Variants in PTPRU observed in about 807,000 individuals in gnomAD.
The protein encoded by PTPRU is receptor-type tyrosine-protein phosphatase U.
PTPRU carries 69 observed loss-of-function variants against 166.3 expected under a neutral mutation model. That is an observed-to-expected ratio of 0.41 (90% confidence interval 0.34 to 0.51). The LOEUF (loss-of-function observed/expected upper bound fraction) is 0.51, where lower values mean the gene tolerates loss of function less well. Ranked by LOEUF, PTPRU falls within the 20% of genes least tolerant of loss-of-function variation. The pLI, the probability that PTPRU is intolerant of heterozygous loss-of-function variation, is 0.09. For missense variants in PTPRU, 1,657 were observed against 2,013.7 expected (o/e 0.82, Z 3.39); for synonymous variants, 793 against 814.0 (o/e 0.97, Z 0.44).
intron 7 of PTPRU, among the ~76,000 whole-genome samples, chr1:29,266,617 C>A (rs550909094): frequency 1.3e-5 from 2 of 152,260 alleles, no homozygotes; most frequent in African/African-American, 4.8e-5. Context: ...GAGCTTCAGT[C>A]CCCCTGTTTT....
At chr1:29,250,122 A>G (rs1300646117) in intron 1 of PTPRU, among the ~76,000 whole-genome samples, 1 of 152,132 alleles carries the variant, frequency 6.6e-6, no homozygotes, top group Non-Finnish European at 1.5e-5. Flanking sequence ...CTCTTCCAGG[A>G]GGCCTTTCCC....
At chr1:29,310,262 A>T (rs1687586271) in intron 18 of PTPRU, among the ~76,000 whole-genome samples, 1 of 152,090 alleles carries the variant, frequency 6.6e-6, no homozygotes, top group Non-Finnish European at 1.5e-5. Flanking sequence ...TGAGTGACTG[A>T]GGAGTAAGGG....
chr1:29,308,090 C>G (rs1687479908), intron 18 of PTPRU, among the ~76,000 whole-genome samples: 1 of 151,826 alleles, frequency 6.6e-6, no homozygotes, highest in Admixed American at 6.6e-5. Flanking sequence ...AAAAAACTAC[C>G]CTAATTCATC....
chr1:29,289,646 G>A (rs1686528864), intron 14 of PTPRU: 3 of 1,613,666 alleles, frequency 1.9e-6, no homozygotes, highest in Non-Finnish European at 2.5e-6. Flanking sequence ...ACGGACCTCG[G>A]ACACAACTGT....
At chr1:29,299,045 GC>G in intron 15 of PTPRU, among the ~76,000 whole-genome samples, 1 of 152,316 alleles carries the variant, frequency 6.6e-6, no homozygotes. Flanking sequence ...ATAACTGGGG[GC>G]CTCTCCTCAT....
chr1:29,307,959 C>T (rs184810927), intron 18 of PTPRU, among the ~76,000 whole-genome samples: 4 of 152,014 alleles, frequency 2.6e-5, no homozygotes. Context: ...TGGGGTTTCA[C>T]CATGTTAGGC....
intron 1 of PTPRU, among the ~76,000 whole-genome samples, chr1:29,241,742 A>C (rs1396530698): frequency 4.7e-4 from 63 of 134,982 alleles, no homozygotes; most frequent in Middle Eastern, 4.8e-3. Flanking sequence ...TTACAGGCGC[A>C]CGCCACCATG....
At chr1:29,252,333 T>C (rs1684587951) in intron 1 of PTPRU, among the ~76,000 whole-genome samples, 1 of 149,270 alleles carries the variant, frequency 6.7e-6, no homozygotes, top group Admixed American at 6.7e-5. Flanking sequence ...AGGGGTACCA[T>C]CTCAGCTCAC....
chr1:29,246,701 C>T (rs1031530858), intron 1 of PTPRU, among the ~76,000 whole-genome samples: 2 of 152,056 alleles, frequency 1.3e-5, no homozygotes, highest in Non-Finnish European at 2.9e-5. Context: ...CTGCCACCTC[C>T]GCCCCCTGGG....
At position 29,237,660 on chromosome 1, in the gene PTPRU, G is replaced by C. The variant is rs976627734; in HGVS notation, c.73+943G>C. ...GTCGGGCAGGGCCCGAGGCTCAGGG[G>C]AGGACCGGGCCCCGCGGCCGCCGCC... On this transcript the variant is annotated intron_variant, in intron 1 of 29. Coordinates refer to ENST00000373779, the MANE Select transcript of PTPRU (RefSeq NM_133178.4). The surrounding 1 kb of genome is among the most constrained non-coding windows in gnomAD (Gnocchi z 6.4). Among the ~76,000 whole-genome samples, 1 of 151,426 alleles carries C rather than the reference G, an allele frequency of 6.6e-6. No individual in the cohort carries two copies. The highest frequency in any genetic ancestry group is 6.6e-5 in the Admixed American group (1 of 15,222).
intron 1 of PTPRU, among the ~76,000 whole-genome samples, chr1:29,242,433 G>A (rs1205183732): frequency 6.6e-6 from 1 of 152,180 alleles, no homozygotes; most frequent in East Asian, 1.9e-4. Context: ...GGTCAGCCTA[G>A]AGCTGTGTTA....
chr1:29,256,621 G>A (rs192498354), intron 2 of PTPRU, among the ~76,000 whole-genome samples: 226 of 152,310 alleles, frequency 1.5e-3, no homozygotes, highest in Non-Finnish European at 2.6e-3. Context: ...TGCTCACACT[G>A]TGCCCTTCCT....
rs780621948 is a variant in PTPRU at position 29,325,705 on chromosome 1, C to G, written c.*44C>G. On this transcript the variant is annotated 3_prime_UTR_variant, in exon 30 of 30. Coordinates refer to ENST00000373779, the MANE Select transcript of PTPRU (RefSeq NM_133178.4). ...CACCCACTGCACACTCAGGGCCAGA[C>G]CCACCATCCTGGACTGGCGAGGAAG... 5 of 1,515,602 alleles carry G rather than the reference C, an allele frequency of 3.3e-6. No homozygotes were observed. The allele number at this position is 1,515,602 out of a possible 1,614,324, so 93.9% of individuals were successfully genotyped here.
intron 7 of PTPRU, among the ~76,000 whole-genome samples, chr1:29,267,366 G>A (rs1685350706): frequency 6.6e-6 from 1 of 152,226 alleles, no homozygotes; most frequent in Admixed American, 6.5e-5. Flanking sequence ...CATATACCGA[G>A]GGAGGACTTT....
At position 29,317,886 on chromosome 1, in the gene PTPRU, G is replaced by C. The variant is rs766495555; in HGVS notation, c.3652G>C (p.Asp1218His). Residue 1218 changes from aspartate (D) to histidine (H), a missense_variant, in exon 25 of 30, where the codon GAC (aspartate) becomes CAC (histidine). This residue lies in a region of PTPRU where 1,190 missense variants were observed against 1,477.4 expected (regional missense o/e 0.81). Transcript: ENST00000373779. This position sits in a 1 kb window ranked among gnomAD's most constrained non-coding sequence, Gnocchi z 5.6. Reference protein sequence around the residue: ...CLPFLISTDGDSNNYINAALT... With the variant: ...CLPFLISTDGHSNNYINAALT... ...GCCCTTCCTCATCTCCACTGATGGG[G>C]ACTCCAACAACTACATTAATGCAGC... 6.2e-7 allele frequency: 1 copy of C among 1,614,014 alleles called. No individual in the cohort carries two copies.
intron 7 of PTPRU, among the ~76,000 whole-genome samples, chr1:29,267,291 C>T (rs1329675953): frequency 6.6e-6 from 1 of 152,118 alleles, no homozygotes; most frequent in Non-Finnish European, 1.5e-5. Flanking sequence ...ATATGAAGGG[C>T]CAACTATGGG....
Position 29,323,758 on chromosome 1 carries a change from G to A in PTPRU, c.4082G>A (p.Ser1361Asn), listed in dbSNP as rs200264736. The change falls in exon 28 of 30, where the codon AGT becomes AAT. Residue 1361 changes from serine (S) to asparagine (N), a missense_variant. Coordinates refer to ENST00000373779, the MANE Select transcript of PTPRU (RefSeq NM_133178.4). ...GAGGTGGACAAGTGGCAGGCCGAGA[G>A]TGGGGATGGGCGCACCATCGTGCAC... Reference protein sequence around the residue: ...LAEVDKWQAESGDGRTIVHCL... With the variant: ...LAEVDKWQAENGDGRTIVHCL... 146 of 1,614,150 alleles carry A rather than the reference G, an allele frequency of 9.0e-5. 3 individuals are homozygous for A. In the East Asian group the frequency reaches 3.2e-3, roughly 35 times the overall value.
At chr1:29,309,286 C>T (rs935419879) in intron 18 of PTPRU, among the ~76,000 whole-genome samples, 13 of 152,242 alleles carry the variant, frequency 8.5e-5, no homozygotes, top group African/African-American at 3.1e-4. Flanking sequence ...CACCCCAGAC[C>T]TTTGAATCTG....
chr1:29,280,498 C>T lies in PTPRU; in HGVS notation c.1868+357C>T, dbSNP rs1258204156. Among the ~76,000 whole-genome samples, 1 of 152,200 alleles carries T rather than the reference C, an allele frequency of 6.6e-6. No homozygotes were observed. Among genetic ancestry groups the T allele is most frequent in the East Asian group, 1.9e-4 (1 of 5,192 alleles). ...CTTTTCCTGGAAGCACAGAGATGGG[C>T]TTTCTAGAAGGCTGGGGCAGCCAGC... On this transcript the variant is annotated intron_variant, in intron 11 of 29. Transcript: ENST00000373779. This position sits in a 1 kb window ranked among gnomAD's most constrained non-coding sequence, Gnocchi z 4.2.
Sources: allele counts gnomAD v4.1 joint callset (sites outside exome capture counted in the v4.1 genomes callset), GRCh38; gene constraint gnomAD v4.1.1; regional missense constraint gnomAD v4.1.1; non-coding constraint Gnocchi (gnomAD v3.1); transcripts MANE v1.5; gene names NCBI Gene and HGNC (gene_info 2026-07-23, HGNC 2026-07-21).